Variants in RMND1 observed in about 807,000 individuals in gnomAD.
RMND1 encodes required for meiotic nuclear division protein 1 homolog.
A neutral mutation model predicts 54.0 loss-of-function variants in RMND1; 41 were observed. The ratio of observed to expected loss-of-function variants is 0.76; its 90% CI spans 0.59 to 0.98. The LOEUF (loss-of-function observed/expected upper bound fraction) is 0.98, where lower values mean the gene tolerates loss of function less well. Among genes scored for constraint, RMND1 ranks in the 50% least tolerant of loss-of-function variants. The pLI is 0.00. For synonymous variants in RMND1, 183 were observed against 181.7 expected (o/e 1.01, Z -0.06); for missense variants, 457 against 532.0 (o/e 0.86, Z 1.39).
At chr6:151,421,180 T>A in intron 9 of RMND1, 65 bp downstream of exon 9, 1 of 1,176,678 alleles carries the variant, frequency 8.5e-7, no homozygotes, top group Non-Finnish European at 1.2e-6. Flanking sequence ...ACCACAGAAC[T>A]ATGGGAATGT....
intron 2 of RMND1, among the ~76,000 whole-genome samples, chr6:151,440,423 C>T (rs118139262): frequency 8.7e-4 from 133 of 152,346 alleles, no homozygotes; most frequent in Non-Finnish European, 1.5e-3. Context: ...CTATTTTCAA[C>T]TCTCAAGGAC....
chr6:151,419,209 C>T (rs573100256), intron 9 of RMND1, among the ~76,000 whole-genome samples: 6 of 151,996 alleles, frequency 3.9e-5, no homozygotes, highest in Non-Finnish European at 7.4e-5. Context: ...GGATTACAGG[C>T]GCACACCACC....
At chr6:151,407,761 A>G (rs1002684225) in intron 10 of RMND1, among the ~76,000 whole-genome samples, 1 of 152,030 alleles carries the variant, frequency 6.6e-6, no homozygotes. Flanking sequence ...CAAAAAAATT[A>G]TCCGGGTGTT....
At chr6:151,423,655 C>T in intron 6 of RMND1, 24 bp from the exon 7 acceptor site, 2 of 1,445,438 alleles carry the variant, frequency 1.4e-6, no homozygotes, top group African/African-American at 1.4e-5. Context: ...AAAGATAATA[C>T]CTTCTAAATC....
At chr6:151,421,719 T>A (rs926744023) in intron 8 of RMND1, among the ~76,000 whole-genome samples, 1 of 152,230 alleles carries the variant, frequency 6.6e-6, no homozygotes, top group Admixed American at 6.5e-5. Context: ...ACTATTTTTC[T>A]CATAATTTAG....
chr6:151,436,062 G>A (rs1292659611), intron 3 of RMND1, among the ~76,000 whole-genome samples: 2 of 149,736 alleles, frequency 1.3e-5, no homozygotes, highest in Non-Finnish European at 3.0e-5. Context: ...CTGAGATCGC[G>A]CCATTGCACT....
chr6:151,447,939 G>A (rs1038659108), intron 1 of RMND1, among the ~76,000 whole-genome samples: 2 of 150,650 alleles, frequency 1.3e-5, no homozygotes, highest in Admixed American at 6.7e-5. Context: ...TCAGCCTCCC[G>A]AGTAGCTGGG....
At chr6:151,418,815 G>A (rs1780076171) in intron 9 of RMND1, among the ~76,000 whole-genome samples, 1 of 152,070 alleles carries the variant, frequency 6.6e-6, no homozygotes, top group South Asian at 2.1e-4. Context: ...TTGTTGCCCA[G>A]GCTGGAGTGT....
chr6:151,433,949 GCC>G (rs1323930953), intron 3 of RMND1, among the ~76,000 whole-genome samples: 3 of 45,072 alleles, frequency 6.7e-5, no homozygotes, highest in Non-Finnish European at 1.2e-4. Flanking sequence ...ACCCCCCCCC[GCC>G]CCACCCACCT....
At chr6:151,436,112 CAAAA>C in intron 3 of RMND1, 1 of 173,074 alleles carries the variant, frequency 5.8e-6, no homozygotes, top group Non-Finnish European at 1.2e-5. Flanking sequence ...TCCCAAAAAA[CAAAA>C]AAAAAAAAAA....
chr6:151,443,371 G>C (rs1461702477), intron 2 of RMND1, among the ~76,000 whole-genome samples: 1 of 152,086 alleles, frequency 6.6e-6, no homozygotes, highest in Non-Finnish European at 1.5e-5. Flanking sequence ...GAGTGCAGTG[G>C]CATGATCTCA....
At chr6:151,410,678 GATTA>G (rs987472537) in intron 10 of RMND1, among the ~76,000 whole-genome samples, 1 of 152,056 alleles carries the variant, frequency 6.6e-6, no homozygotes, top group Admixed American at 6.5e-5. Flanking sequence ...TACTCCAATT[GATTA>G]ATTAATATTA....
chr6:151,408,119 A>G (rs1041011334), intron 10 of RMND1, among the ~76,000 whole-genome samples: 11 of 152,060 alleles, frequency 7.2e-5, no homozygotes, highest in African/African-American at 2.7e-4. Context: ...TGAAGGGAGC[A>G]TGTCAAGCAT....
intron 10 of RMND1, among the ~76,000 whole-genome samples, chr6:151,406,833 G>A (rs1246296790): frequency 6.6e-6 from 1 of 152,098 alleles, no homozygotes; most frequent in East Asian, 1.9e-4. Context: ...TGCGTTAACT[G>A]CACCATGTTA....
intron 1 of RMND1, among the ~76,000 whole-genome samples, chr6:151,450,294 G>A (rs1409953806): frequency 1.3e-5 from 2 of 150,976 alleles, no homozygotes; most frequent in East Asian, 2.0e-4. Flanking sequence ...GCCTCTGCCC[G>A]GCCGCCCCAT....
intron 9 of RMND1, chr6:151,421,005 G>A: frequency 3.0e-6 from 1 of 334,922 alleles, no homozygotes; most frequent in Non-Finnish European, 5.5e-6. Context: ...TCCTTAATGT[G>A]GGTTTAATGT....
rs918507914 is a variant in RMND1 at position 151,405,389 on chromosome 6, C to G, written c.1318-122G>C. On this transcript the variant is annotated intron_variant, in intron 11 of 11. Transcript: ENST00000444024. ...AGTAAGGTAAATGTTTGCCCTTTCT[C>G]ACGTGGCAACCTATGAATTGGAGGT... The G allele has an allele frequency of 9.0e-6, 8 of 885,104 alleles. No homozygotes were observed. In the Admixed American group the frequency reaches 1.1e-4, roughly 12 times the overall value. The allele number at this position is 885,104 out of a possible 1,614,324, so 54.8% of individuals were successfully genotyped here.
At chr6:151,443,095 GT>G (rs1299787888) in intron 2 of RMND1, among the ~76,000 whole-genome samples, 3 of 152,004 alleles carry the variant, frequency 2.0e-5, no homozygotes, top group Non-Finnish European at 4.4e-5. Flanking sequence ...GGTATAAAGG[GT>G]TTACCATTTT....
intron 4 of RMND1, among the ~76,000 whole-genome samples, chr6:151,432,327 C>T (rs980304138): frequency 4.4e-4 from 67 of 152,152 alleles, no homozygotes; most frequent in Admixed American, 3.1e-3. Flanking sequence ...GATGCTATTA[C>T]TCTACTTGAA....
Sources: allele counts gnomAD v4.1 joint callset (sites outside exome capture counted in the v4.1 genomes callset), GRCh38; gene constraint gnomAD v4.1.1; transcripts MANE v1.5; gene names NCBI Gene and HGNC (gene_info 2026-07-23, HGNC 2026-07-21).